CEP128: variants seen among roughly 807,000 people sequenced by gnomAD.
CEP128 encodes centrosomal protein 128kDa.
CEP128 carries 132 observed loss-of-function variants against 156.7 expected under a neutral mutation model. That is an observed-to-expected ratio of 0.84 (90% CI 0.73 to 0.97). The LOEUF (loss-of-function observed/expected upper bound fraction) is 0.97, where lower values mean the gene tolerates loss of function less well. Among genes scored for constraint, CEP128 ranks in the 50% least tolerant of loss-of-function variants. CEP128 has a pLI of 0.00. For synonymous variants in CEP128, 469 were observed against 448.9 expected, an observed-to-expected ratio of 1.04 and a Z score of -0.57; for missense variants, 1,252 against 1,281.9, an observed-to-expected ratio of 0.98 and a Z score of 0.36.
At chr14:80,480,095 G>T (rs2140145150) in intron 14 of CEP128, among the ~76,000 whole-genome samples, 1 of 152,246 alleles carries the variant, frequency 6.6e-6, no homozygotes, top group African/African-American at 2.4e-5. Flanking sequence ...GGCTTTTCCA[G>T]GCACACGGTG....
chr14:80,832,720 C>T (rs56835406), intron 12 of CEP128, among the ~76,000 whole-genome samples: 9,868 of 152,016 alleles, frequency 0.065, 1,059 homozygotes, highest in African/African-American at 0.23. Context: ...AAGCACATAC[C>T]ATAAAGCATA....
At chr14:80,896,551 A>C (rs1889360037) in intron 7 of CEP128, among the ~76,000 whole-genome samples, 1 of 152,100 alleles carries the variant, frequency 6.6e-6, no homozygotes, top group Non-Finnish European at 1.5e-5. Context: ...TTACCTGTAG[A>C]GTTTTATGTA....
At chr14:80,727,400 G>C (rs1332598265) in intron 19 of CEP128, among the ~76,000 whole-genome samples, 1 of 152,090 alleles carries the variant, frequency 6.6e-6, no homozygotes, top group Non-Finnish European at 1.5e-5. Context: ...TACAGAAGTG[G>C]AGAGGCCAAA....
intron 23 of CEP128, among the ~76,000 whole-genome samples, chr14:80,513,864 G>A (rs1233172917): frequency 6.6e-6 from 1 of 152,164 alleles, no homozygotes; most frequent in Non-Finnish European, 1.5e-5. Flanking sequence ...CTTTGTGTGG[G>A]AAAATCTGCG....
chr14:80,793,674 T>C (rs1901836325), intron 13 of CEP128, among the ~76,000 whole-genome samples: 1 of 152,220 alleles, frequency 6.6e-6, no homozygotes, highest in African/African-American at 2.4e-5. Context: ...GAAGCACTTA[T>C]CTCAAGCTGA....
chr14:80,695,845 A>G (rs1042496733), intron 19 of CEP128, among the ~76,000 whole-genome samples: 1 of 152,184 alleles, frequency 6.6e-6, no homozygotes, highest in Non-Finnish European at 1.5e-5. Context: ...ACTTAAAGGT[A>G]TATATAACAT....
chr14:80,693,489 A>G (rs184350473), intron 19 of CEP128, among the ~76,000 whole-genome samples: 2 of 152,190 alleles, frequency 1.3e-5, no homozygotes, highest in East Asian at 3.9e-4. Flanking sequence ...ATCAAAATCT[A>G]ATTTTTCCTA....
chr14:80,681,638 A>C (rs556487230), intron 19 of CEP128, among the ~76,000 whole-genome samples: 2 of 152,220 alleles, frequency 1.3e-5, no homozygotes, highest in Admixed American at 1.3e-4. Flanking sequence ...AAGCATTGTC[A>C]TTTCCTCTTC....
At chr14:80,763,629 A>C (rs1411121362) in intron 16 of CEP128, among the ~76,000 whole-genome samples, 1 of 152,130 alleles carries the variant, frequency 6.6e-6, no homozygotes, top group East Asian at 1.9e-4. Flanking sequence ...GTATATCATA[A>C]TTTTTTAATT....
At chr14:80,661,724 A>G (rs1299426688) in intron 19 of CEP128, among the ~76,000 whole-genome samples, 2 of 152,190 alleles carry the variant, frequency 1.3e-5, no homozygotes, top group Admixed American at 6.6e-5. Flanking sequence ...TGGACTTCAA[A>G]TAAATATATG....
intron 19 of CEP128, among the ~76,000 whole-genome samples, chr14:80,650,230 T>C (rs1374540271): frequency 1.3e-5 from 2 of 152,104 alleles, no homozygotes; most frequent in Non-Finnish European, 2.9e-5. Context: ...CTATTATTGG[T>C]GTATAGGAAT....
At chr14:80,787,726 C>A (rs1339809652) in intron 14 of CEP128, among the ~76,000 whole-genome samples, 1 of 152,072 alleles carries the variant, frequency 6.6e-6, no homozygotes, top group Non-Finnish European at 1.5e-5. Flanking sequence ...ACTTAGCCCC[C>A]TTGGCATGAG....
At chr14:80,749,879 G>A (rs1199442484) in intron 18 of CEP128, among the ~76,000 whole-genome samples, 1 of 152,062 alleles carries the variant, frequency 6.6e-6, no homozygotes, top group Non-Finnish European at 1.5e-5. Context: ...TCAACTTTTA[G>A]CAGATTACAA....
At chr14:80,853,510 T>A (rs1032603189) in intron 9 of CEP128, among the ~76,000 whole-genome samples, 1 of 120,434 alleles carries the variant, frequency 8.3e-6, no homozygotes, top group African/African-American at 2.5e-5. Context: ...CAATTAGAGA[T>A]GCAATTTTAA....
At chr14:80,549,934 T>G (rs1450153281) in intron 21 of CEP128, among the ~76,000 whole-genome samples, 1 of 152,240 alleles carries the variant, frequency 6.6e-6, no homozygotes, top group Non-Finnish European at 1.5e-5. Flanking sequence ...TCTATGACAT[T>G]ACTTAGTCTG....
chr14:80,563,423 C>T (rs778315427), intron 20 of CEP128, among the ~76,000 whole-genome samples: 8 of 151,778 alleles, frequency 5.3e-5, no homozygotes, highest in East Asian at 1.9e-4. Flanking sequence ...TTGACATTCT[C>T]CCTAGGAAAA....
rs1883818030 is a variant in CEP128, at chr14:80,801,105, T to C, written c.1210-7995A>G. ...GCTAAAGAGAGATTAAAAAATAAGG[T>C]CAGCTTGCTTATGAGTTCAAGGACT... On this transcript the variant is annotated intron_variant, in intron 13 of 24. Transcript: ENST00000555265. Among the ~76,000 whole-genome samples, 5 of 152,162 alleles carry C rather than the reference T, an allele frequency of 3.3e-5. No individual in the cohort carries two copies. In the South Asian group the frequency reaches 1.0e-3, roughly 32 times the overall value.
chr14:80,564,414 T>C (rs1386555713), intron 20 of CEP128, among the ~76,000 whole-genome samples: 1 of 152,230 alleles, frequency 6.6e-6, no homozygotes, highest in Non-Finnish European at 1.5e-5. Flanking sequence ...CCATATGATA[T>C]AGGATTCCCT....
intron 19 of CEP128, among the ~76,000 whole-genome samples, chr14:80,595,654 A>G (rs1005450844): frequency 1.3e-5 from 2 of 152,230 alleles, no homozygotes; most frequent in Admixed American, 6.5e-5. Context: ...ATGTAATTCT[A>G]AAGACTATTC....
Sources: allele counts gnomAD v4.1 joint callset (sites outside exome capture counted in the v4.1 genomes callset), GRCh38; gene constraint gnomAD v4.1.1; transcripts MANE v1.5; gene names NCBI Gene and HGNC (gene_info 2026-07-23, HGNC 2026-07-21).